Variants in DOCK9 observed in about 807,000 individuals in gnomAD.
DOCK9 encodes dedicator of cytokinesis 9.
Under a neutral mutation model 263.3 loss-of-function variants are expected in DOCK9, and 89 were observed. The ratio of observed to expected loss-of-function variants is 0.34; its 90% CI spans 0.28 to 0.40. The LOEUF (loss-of-function observed/expected upper bound fraction) is 0.40, where lower values mean the gene tolerates loss of function less well. Among genes scored for constraint, DOCK9 ranks in the 10% least tolerant of loss-of-function variants. DOCK9 has a pLI of 1.00. For synonymous variants in DOCK9, 976 were observed against 973.1 expected, an observed-to-expected ratio of 1.00 and a Z score of -0.06; for missense variants, 2,140 against 2,603.4, an observed-to-expected ratio of 0.82 and a Z score of 3.87.
At chr13:98,915,657 T>A (rs897770287) in intron 7 of DOCK9, among the ~76,000 whole-genome samples, 154 bp from the exon 8 acceptor site, 1 of 126,856 alleles carries the variant, frequency 7.9e-6, no homozygotes, top group Non-Finnish European at 1.7e-5. Context: ...CCCCCCCCCA[T>A]GAAATCCCAT....
chr13:98,794,635 C>T lies in DOCK9; in HGVS notation c.6270G>A (p.Ser2090=), dbSNP rs765239941. Residue 2090 remains serine, a synonymous_variant, in exon 53 of 53, where the codon TCG becomes TCA. Transcript: ENST00000682017. The part of the protein sequence containing the change: ...TMVHGMTSSS[S]VV ...GGGCCATGAGATGTAATCACACGAC[C>T]GAAGACGAGCTGGTCATCCCGTGAA... 13 of 1,598,148 alleles carry T rather than the reference C, an allele frequency of 8.1e-6. No individual in the cohort carries two copies. Among genetic ancestry groups the T allele is most frequent in the African/African-American group, 5.4e-5 (4 of 74,690 alleles).
chr13:98,829,640 C>T lies in DOCK9; in HGVS notation c.4749+3G>A, dbSNP rs764150943. 1.3e-6 allele frequency: 2 copies of T among 1,598,944 alleles called. No individual in the cohort carries two copies. The highest frequency in any genetic ancestry group is 2.3e-5 in the East Asian group (1 of 44,376). Reference sequence around the variant, plus strand: ...TGAAACTAACATGGGCCAGGCTACCCACCTTAATAAGCCGGTCACTGTTGG... The same window carrying T: ...TGAAACTAACATGGGCCAGGCTACCTACCTTAATAAGCCGGTCACTGTTGG... On this transcript the variant is annotated splice_donor_region_variant and intron_variant, in intron 42 of 52. Coordinates refer to ENST00000682017, the MANE Select transcript of DOCK9 (RefSeq NM_001366683.2). The surrounding 1 kb of genome is among the most constrained non-coding windows in gnomAD (Gnocchi z 4.1).
chr13:98,831,569 C>T, intron 40 of DOCK9, 39 bp from the exon 41 acceptor site: 1 of 1,589,712 alleles, frequency 6.3e-7, no homozygotes, highest in African/African-American at 1.3e-5. Flanking sequence ...AAACCACAGA[C>T]AGGTCAGTGC....
intron 44 of DOCK9, among the ~76,000 whole-genome samples, chr13:98,824,778 G>T (rs567085866): frequency 6.6e-6 from 1 of 152,176 alleles, no homozygotes; most frequent in Non-Finnish European, 1.5e-5. Flanking sequence ...ACTATAAACT[G>T]AGAAATAGGT....
chr13:98,861,381 A>G (rs1277528781), intron 32 of DOCK9, among the ~76,000 whole-genome samples: 4 of 152,196 alleles, frequency 2.6e-5, no homozygotes, highest in African/African-American at 4.8e-5. Flanking sequence ...TACACCCATA[A>G]TGACAAGGTA....
At chr13:98,957,751 C>G (rs1283920170) in intron 1 of DOCK9, among the ~76,000 whole-genome samples, 2 of 152,162 alleles carry the variant, frequency 1.3e-5, no homozygotes, top group African/African-American at 4.8e-5. Flanking sequence ...CCCTAGGAAC[C>G]GTAACCATAT....
intron 1 of DOCK9, chr13:98,959,411 A>T (rs1319139361): frequency 6.6e-6 from 1 of 152,238 alleles, no homozygotes; most frequent in Non-Finnish European, 1.5e-5. Flanking sequence ...ACCTCAGGTC[A>T]CTTAATGAAA....
At chr13:99,057,382 A>G (rs1047599154) in intron 1 of DOCK9, among the ~76,000 whole-genome samples, 2 of 152,164 alleles carry the variant, frequency 1.3e-5, no homozygotes, top group Non-Finnish European at 2.9e-5. Flanking sequence ...TAGGGGGAAA[A>G]TGGTATTCTT....
Position 98,992,851 on chromosome 13 carries a change from A to G in DOCK9, c.130-37300T>C, listed in dbSNP as rs186108674. On this transcript the variant is annotated intron_variant, in intron 1 of 32. Coordinates refer to the DOCK9 transcript ENST00000427887. ...CTCTCCTGATGCTGCTGGCTCAGGG[A>G]GCAAACTTGAAAAGCAAAGTCTTAA... 1.3e-3 allele frequency among the ~76,000 whole-genome samples: 199 copies of G among 152,318 alleles called. 1 individual carries two copies. Among genetic ancestry groups the G allele is most frequent in the Middle Eastern group, 3.4e-3 (1 of 294 alleles).
intron 1 of DOCK9, among the ~76,000 whole-genome samples, chr13:99,010,947 G>A (rs932295492): frequency 3.3e-5 from 5 of 152,194 alleles, no homozygotes; most frequent in Non-Finnish European, 7.3e-5. Context: ...GCCCAGGCCG[G>A]AGTGCAATGG....
intron 39 of DOCK9, chr13:98,832,178 A>G (rs910099238): frequency 1.6e-5 from 3 of 185,358 alleles, no homozygotes; most frequent in South Asian, 2.5e-4. Flanking sequence ...AAAGTACTCA[A>G]GTAAGGTATA....
chr13:98,953,928 T>C (rs1200311445), intron 2 of DOCK9, among the ~76,000 whole-genome samples: 2 of 152,188 alleles, frequency 1.3e-5, no homozygotes, highest in Middle Eastern at 3.2e-3. Flanking sequence ...AATAATCATT[T>C]TGGGGCCCAG....
Position 99,069,487 on chromosome 13 carries a change from T to C in DOCK9, c.129+16736A>G, listed in dbSNP as rs770706165. 3.3e-5 allele frequency among the ~76,000 whole-genome samples: 5 copies of C among 152,354 alleles called. No homozygotes were observed. The South Asian group carries it at 8.3e-4, about 25-fold the overall frequency. On this transcript the variant is annotated intron_variant, in intron 1 of 32. Coordinates refer to the DOCK9 transcript ENST00000427887. The stretch of plus-strand genomic sequence containing the variant: ...CCTATTATCTGATTACCAATGACAC[T>C]TGACAACACACAAGTGTAAACAAAG...
chr13:99,044,680 C>T (rs912732293), intron 1 of DOCK9, among the ~76,000 whole-genome samples: 18 of 152,176 alleles, frequency 1.2e-4, no homozygotes, highest in African/African-American at 2.7e-4. Context: ...CAAAAAGCTA[C>T]GGAGCTAACT....
rs115065794 is a variant in DOCK9 at position 99,036,865 on chromosome 13, G to A, written c.129+49358C>T. ...TGGGATTTTTTTTATAGCAGCTGGA[G>A]CTAAGACACTAACACCGAAACAACT... On this transcript the variant is annotated intron_variant, in intron 1 of 32. Transcript: ENST00000427887. Among the ~76,000 whole-genome samples, 487 of 152,214 alleles carry A rather than the reference G, an allele frequency of 3.2e-3. 3 individuals are homozygous for A. The highest frequency in any genetic ancestry group is 0.011 in the African/African-American group (472 of 41,550).
intron 9 of DOCK9, among the ~76,000 whole-genome samples, chr13:98,908,418 T>G (rs944431603): frequency 5.9e-5 from 9 of 152,184 alleles, no homozygotes; most frequent in Non-Finnish European, 8.8e-5. Context: ...TAATGTCATG[T>G]TGTTTATTGT....
At chr13:98,911,864 T>G (rs1402490362) in intron 9 of DOCK9, among the ~76,000 whole-genome samples, 1 of 133,568 alleles carries the variant, frequency 7.5e-6, no homozygotes, top group Non-Finnish European at 1.6e-5. Flanking sequence ...TCTATTACAT[T>G]AAAAAAACAC....
In DOCK9 at chr13:98,977,856, C is replaced by T; in HGVS notation, c.54G>A (p.Val18=). ...CCTTGTATTGCAGGGGGGACTCAAT[C>T]ACCAGTTCCTTTTTGACACTTCTAC... ...TSSRSVKKEL[V]IESPLQYKDA... Residue 18 remains valine (V), a synonymous_variant, in exon 1 of 53, where the codon GTG becomes GTA. Transcript: ENST00000682017. 6.2e-7 allele frequency: 1 copy of T among 1,606,138 alleles called. No homozygotes were observed. The highest frequency in any genetic ancestry group is 8.5e-7 in the Non-Finnish European group (1 of 1,175,942).
upstream of DOCK9, chr13:99,088,538 T>C (rs1174203540): frequency 2.0e-5 from 3 of 152,240 alleles, no homozygotes; most frequent in African/African-American, 4.8e-5. Flanking sequence ...ACTTTTCCCC[T>C]CTTGTTACCT....
Sources: gnomAD v4.1 joint callset for allele counts (sites outside exome capture counted in the v4.1 genomes callset) on GRCh38, gnomAD v4.1.1 for gene constraint, Gnocchi (gnomAD v3.1) non-coding constraint, MANE v1.5 for transcripts, NCBI Gene and HGNC (gene_info 2026-07-23, HGNC 2026-07-21) for gene names.